Variants in CHRDL1 observed in about 807,000 individuals in gnomAD.
CHRDL1 encodes chordin-like protein 1.
Under a neutral mutation model 40.9 loss-of-function variants are expected in CHRDL1, and 19 were observed. The ratio of observed to expected loss-of-function variants is 0.46; its 90% CI spans 0.32 to 0.68. The LOEUF (loss-of-function observed/expected upper bound fraction) is 0.68, where lower values mean the gene tolerates loss of function less well. CHRDL1 is among the 30% of genes least tolerant of loss of function. CHRDL1 has a pLI of 0.03. For missense variants in CHRDL1, 329 were observed against 352.1 expected, an observed-to-expected ratio of 0.93 and a Z score of 0.53; for synonymous variants, 136 against 123.4, an observed-to-expected ratio of 1.10 and a Z score of -0.68.
chrX:110,740,755 T>G (rs764771561), intron 4 of CHRDL1, among the ~76,000 whole-genome samples: 1 of 112,182 alleles, frequency 8.9e-6, no homozygotes, highest in Non-Finnish European at 1.9e-5. Flanking sequence ...CAATGTGATA[T>G]GCTTAAGCAC....
chrX:110,777,191 G>T (rs754360851), intron 2 of CHRDL1, among the ~76,000 whole-genome samples: 73 of 110,633 alleles, frequency 6.6e-4, no homozygotes, highest in Non-Finnish European at 1.3e-3. Flanking sequence ...TTTCTTTTTG[G>T]CAATGAATAA....
At chrX:110,714,421 A>C (rs1179449190) in intron 6 of CHRDL1, among the ~76,000 whole-genome samples, 1 of 112,169 alleles carries the variant, frequency 8.9e-6, no homozygotes, top group Non-Finnish European at 1.9e-5. Context: ...CATAAAAATG[A>C]ATGAGAGCAT....
chrX:110,700,541 T>C, intron 7 of CHRDL1, 113 bp downstream of exon 7: 1 of 528,608 alleles, frequency 1.9e-6, no homozygotes, highest in East Asian at 3.4e-5. Flanking sequence ...GGAAGAAAAA[T>C]GGTGTTAGAA....
intron 4 of CHRDL1, among the ~76,000 whole-genome samples, chrX:110,722,754 T>C (rs1000860408): frequency 9.0e-6 from 1 of 111,255 alleles, no homozygotes; most frequent in African/African-American, 3.3e-5. Flanking sequence ...AAAAAAGGAA[T>C]TGAAACCAAC....
intron 9 of CHRDL1, among the ~76,000 whole-genome samples, chrX:110,687,727 G>A (rs2070054460): frequency 9.0e-6 from 1 of 111,598 alleles, no homozygotes; most frequent in Admixed American, 9.6e-5. Context: ...AAGCTCAGAG[G>A]GGTGAAGTGA....
intron 6 of CHRDL1, among the ~76,000 whole-genome samples, chrX:110,715,012 G>C (rs1347980399): frequency 2.7e-5 from 3 of 111,746 alleles, no homozygotes; most frequent in African/African-American, 9.8e-5. Flanking sequence ...GAAACTGGAG[G>C]CAATGAAAGA....
At chrX:110,766,894 A>T (rs913276058) in intron 2 of CHRDL1, among the ~76,000 whole-genome samples, 4 of 111,864 alleles carry the variant, frequency 3.6e-5, no homozygotes, top group African/African-American at 1.3e-4. Flanking sequence ...CCAAAAAAGG[A>T]AACTACAGAC....
At chrX:110,753,882 T>C (rs763050328) in intron 4 of CHRDL1, among the ~76,000 whole-genome samples, 10 of 112,351 alleles carry the variant, frequency 8.9e-5, no homozygotes, top group Non-Finnish European at 1.7e-4. Context: ...ACACAGTCTG[T>C]GCTATAGTGT....
At chrX:110,733,931 C>CAA (rs1172760631) in intron 4 of CHRDL1, among the ~76,000 whole-genome samples, 779 of 12,102 alleles carry the variant, frequency 0.064, 101 homozygotes, top group African/African-American at 0.16. Flanking sequence ...AACTCTGTCT[C>CAA]AAAAAAAAAA....
intron 1 of CHRDL1, 42 bp from the exon 2 acceptor site, chrX:110,792,257 C>T: frequency 3.5e-6 from 2 of 578,359 alleles, no homozygotes; most frequent in Non-Finnish European, 5.6e-6. Flanking sequence ...CACAGATCTT[C>T]TGGAAATGAT....
At chrX:110,793,876 A>AT (rs1315357042) in intron 1 of CHRDL1, among the ~76,000 whole-genome samples, 1 of 111,919 alleles carries the variant, frequency 8.9e-6, no homozygotes, top group Non-Finnish European at 1.9e-5. Flanking sequence ...CAGCTCATAG[A>AT]TTTTTTTGCC....
intron 3 of CHRDL1, among the ~76,000 whole-genome samples, chrX:110,761,687 A>G (rs904119691): frequency 3.6e-5 from 4 of 112,107 alleles, no homozygotes; most frequent in African/African-American, 9.7e-5. Context: ...TGCGCAGGAC[A>G]GCCCCCAAAC....
At chrX:110,709,381 A>T (rs1019642369) in intron 6 of CHRDL1, among the ~76,000 whole-genome samples, 12 of 112,183 alleles carry the variant, frequency 1.1e-4, no homozygotes, top group Admixed American at 1.9e-4. Context: ...GATCAAACAA[A>T]CAAACAAACA....
At chrX:110,700,582 A>G (rs1397326848) in intron 7 of CHRDL1, 72 bp downstream of exon 7, 16 of 714,265 alleles carry the variant, frequency 2.2e-5, no homozygotes, top group Non-Finnish European at 3.3e-5. Context: ...TTGCTAGAAT[A>G]GTAGCCACGA....
intron 6 of CHRDL1, 92 bp downstream of exon 6, chrX:110,719,743 T>C (rs1015812630): frequency 2.2e-6 from 1 of 448,055 alleles, no homozygotes; most frequent in Non-Finnish European, 3.7e-6. Context: ...AAATTACCTT[T>C]CCCTAGGACA....
At chrX:110,758,541 T>A (rs2089500318) in intron 4 of CHRDL1, among the ~76,000 whole-genome samples, 1 of 111,410 alleles carries the variant, frequency 9.0e-6, no homozygotes, top group Admixed American at 9.5e-5. Context: ...TAAAAAAAAA[T>A]TCTCCACTCT....
chrX:110,685,172 C>A (rs1415912234), intron 9 of CHRDL1, among the ~76,000 whole-genome samples: 1 of 112,340 alleles, frequency 8.9e-6, no homozygotes, highest in Non-Finnish European at 1.9e-5. Flanking sequence ...ATAATTCAGT[C>A]ACAAGAAAAT....
At chrX:110,732,652 G>A (rs912950812) in intron 4 of CHRDL1, among the ~76,000 whole-genome samples, 11 of 111,275 alleles carry the variant, frequency 9.9e-5, no homozygotes, top group African/African-American at 3.3e-4. Flanking sequence ...AGCTGACCCT[G>A]CCTGAATATG....
intron 4 of CHRDL1, among the ~76,000 whole-genome samples, chrX:110,750,218 C>T (rs1279266712): frequency 1.8e-5 from 2 of 112,004 alleles, no homozygotes; most frequent in East Asian, 2.8e-4. Context: ...AGTTAATTTA[C>T]TACCTTCAAA....
Sources: allele counts gnomAD v4.1 joint callset (sites outside exome capture counted in the v4.1 genomes callset), GRCh38; gene constraint gnomAD v4.1.1; transcripts MANE v1.5; gene names NCBI Gene and HGNC (gene_info 2026-07-23, HGNC 2026-07-21).